PI4KA: variants seen among roughly 807,000 people sequenced by gnomAD.
PI4KA encodes PI4-kinase alpha.
A neutral mutation model predicts 271.4 loss-of-function variants in PI4KA; 122 were observed. That is an observed-to-expected ratio of 0.45 (90% CI 0.39 to 0.52). The LOEUF (loss-of-function observed/expected upper bound fraction) is 0.52, where lower values mean the gene tolerates loss of function less well. Ranked by LOEUF, PI4KA falls within the 20% of genes least tolerant of loss-of-function variation. The pLI is 0.00. For missense variants in PI4KA, 1,969 were observed against 2,769.1 expected (o/e 0.71, Z 6.48); for synonymous variants, 1,041 against 1,078.8 (o/e 0.96, Z 0.69).
intron 3 of PI4KA, among the ~76,000 whole-genome samples, chr22:20,827,553 A>C (rs1385383687): frequency 2.0e-5 from 3 of 152,170 alleles, no homozygotes; most frequent in Admixed American, 1.3e-4. Flanking sequence ...GTTCCATAAA[A>C]ATTTTAAAAT....
intron 19 of PI4KA, among the ~76,000 whole-genome samples, chr22:20,770,591 C>CACAA (rs1932830946): frequency 7.5e-6 from 1 of 132,886 alleles, no homozygotes; most frequent in South Asian, 2.5e-4. Flanking sequence ...CACACACACA[C>CACAA]ACACACACAC....
intron 2 of PI4KA, among the ~76,000 whole-genome samples, chr22:20,836,888 T>C (rs1345628827): frequency 6.6e-6 from 1 of 152,214 alleles, no homozygotes; most frequent in Non-Finnish European, 1.5e-5. Flanking sequence ...AGAAGTCTAA[T>C]ACAAGTACAA....
intron 11 of PI4KA, among the ~76,000 whole-genome samples, 186 bp downstream of exon 11, chr22:20,804,788 G>T (rs1340161839): frequency 6.6e-6 from 1 of 152,230 alleles, no homozygotes; most frequent in Non-Finnish European, 1.5e-5. Context: ...TGCAGGACAG[G>T]ACACCAGACG....
chr22:20,721,198 TG>T, intron 43 of PI4KA, 99 bp downstream of exon 43: 1 of 1,275,090 alleles, frequency 7.8e-7, no homozygotes, highest in Non-Finnish European at 1.1e-6. Context: ...GTCGGTGAGC[TG>T]GGGCAGTGCA....
chr22:20,858,509 C>T, intron 1 of PI4KA, 61 bp downstream of exon 1: 2 of 1,210,448 alleles, frequency 1.7e-6, no homozygotes, highest in East Asian at 3.2e-5. Context: ...CGTCCCGCCT[C>T]CACGCTTCGT....
At position 20,827,089 on chromosome 22, in the gene PI4KA, G is replaced by A. The variant is rs114459822; in HGVS notation, c.368-2675C>T. Among the ~76,000 whole-genome samples the A allele has an allele frequency of 6.3e-3, 953 of 152,142 alleles. 9 individuals carry two copies. The highest frequency in any genetic ancestry group is 0.021 in the African/African-American group (872 of 41,500). On this transcript the variant is annotated intron_variant, in intron 3 of 54. Transcript: ENST00000255882. ...TTTTGTTTTTGCTGCAATTGCTTTT[G>A]GCATCTTTGTCATTAAATTTTTGCC... is the stretch of plus-strand genomic sequence containing the variant.
chr22:20,735,772 C>T (rs889210543), intron 32 of PI4KA, among the ~76,000 whole-genome samples: 15 of 152,200 alleles, frequency 9.9e-5, no homozygotes, highest in African/African-American at 3.6e-4. Context: ...TCTAAGCTGC[C>T]CATGGGGTGA....
chr22:20,818,042 T>C (rs1205892566), intron 7 of PI4KA, among the ~76,000 whole-genome samples: 2 of 151,978 alleles, frequency 1.3e-5, no homozygotes, highest in Non-Finnish European at 2.9e-5. Context: ...AGAGAATTGC[T>C]TGAACCCAGG....
chr22:20,760,555 G>A (rs1397303141), intron 23 of PI4KA, among the ~76,000 whole-genome samples: 1 of 152,144 alleles, frequency 6.6e-6, no homozygotes, highest in Non-Finnish European at 1.5e-5. Flanking sequence ...CAGGTCTTAT[G>A]TGCTCAATTC....
chr22:20,820,001 CCACT>C, intron 5 of PI4KA, 101 bp from the exon 6 acceptor site: 1 of 1,015,696 alleles, frequency 9.8e-7, no homozygotes, highest in Non-Finnish European at 1.5e-6. Flanking sequence ...CACAACCCAC[CCACT>C]AATAACTGTG....
intron 19 of PI4KA, among the ~76,000 whole-genome samples, chr22:20,782,583 A>G (rs1347365781): frequency 6.6e-6 from 1 of 152,248 alleles, no homozygotes; most frequent in African/African-American, 2.4e-5. Context: ...TGAGGAAGTC[A>G]GAAGGAAAGA....
Position 20,707,889 on chromosome 22 carries a change from C to T in PI4KA, c.*158G>A, listed in dbSNP as rs117274744. ...GCAGTCCATGGCGTTACCAAGGCTG[C>T]GCCACCCACGTGCTGCCCCAGGAGG... On this transcript the variant is annotated 3_prime_UTR_variant, in exon 55 of 55. Coordinates refer to ENST00000255882, the MANE Select transcript of PI4KA (RefSeq NM_058004.4). 0.017 allele frequency: 12,770 copies of T among 758,016 alleles called. 170 individuals are homozygous for T. Among genetic ancestry groups the T allele is most frequent in the Non-Finnish European group, 0.021 (8,687 of 411,002 alleles). The allele number at this position is 758,016 out of a possible 1,614,324, so 47.0% of individuals were successfully genotyped here.
chr22:20,714,584 C>A, intron 46 of PI4KA, 44 bp downstream of exon 46: 2 of 1,613,984 alleles, frequency 1.2e-6, no homozygotes, highest in South Asian at 2.2e-5. Context: ...AAACTTCGCA[C>A]GCGGACGCGT....
At chr22:20,713,814 A>G (rs1458134002) in intron 47 of PI4KA, among the ~76,000 whole-genome samples, 2 of 152,354 alleles carry the variant, frequency 1.3e-5, no homozygotes, top group African/African-American at 2.4e-5. Context: ...ACAGCTGGCC[A>G]CACCGTCTGT....
intron 4 of PI4KA, among the ~76,000 whole-genome samples, chr22:20,821,887 G>T (rs1177757027): frequency 6.6e-6 from 1 of 152,176 alleles, no homozygotes; most frequent in East Asian, 1.9e-4. Flanking sequence ...GAGCCACTGT[G>T]CCCAGCCAAT....
At chr22:20,730,147 AG>A in intron 36 of PI4KA, 136 bp from the exon 37 acceptor site, 1 of 912,918 alleles carries the variant, frequency 1.1e-6, no homozygotes, top group Non-Finnish European at 1.6e-6. Context: ...AATCGACTGC[AG>A]GAACAAATCT....
intron 6 of PI4KA, among the ~76,000 whole-genome samples, chr22:20,818,827 A>G (rs989190788): frequency 6.6e-6 from 1 of 152,164 alleles, no homozygotes; most frequent in South Asian, 2.1e-4. Context: ...TCAATTATAT[A>G]CTTCTTAAGG....
In PI4KA at chr22:20,713,669, G is replaced by A. The variant is rs410582; in HGVS notation, c.5462-279C>T. ...TGCAGTGAAGACCCAGGTGTGCCTG[G>A]GTCAGTGTTGGGTGCTGTGAGCTAG... On this transcript the variant is annotated intron_variant, in intron 47 of 54. Coordinates refer to ENST00000255882, the MANE Select transcript of PI4KA (RefSeq NM_058004.4). Among the ~76,000 whole-genome samples, 10 of 151,730 alleles carry A rather than the reference G, an allele frequency of 6.6e-5. No homozygotes were observed. In the East Asian group the frequency reaches 9.8e-4, roughly 15 times the overall value.
intron 20 of PI4KA, 22 bp downstream of exon 20, chr22:20,765,563 G>A: frequency 6.8e-7 from 1 of 1,479,878 alleles, no homozygotes; most frequent in South Asian, 1.1e-5. Context: ...CGTCTTCACT[G>A]GGAGAGAGAT....
Sources: allele counts gnomAD v4.1 joint callset (sites outside exome capture counted in the v4.1 genomes callset), GRCh38; gene constraint gnomAD v4.1.1; transcripts MANE v1.5; gene names NCBI Gene and HGNC (gene_info 2026-07-23, HGNC 2026-07-21).